CFAP99: variants seen among roughly 807,000 people sequenced by gnomAD.
The protein encoded by CFAP99 is cilia and flagella associated protein 99.
In CFAP99, 84 loss-of-function variants were observed where a neutral mutation model predicts 82.7. That is an observed-to-expected ratio of 1.02 (90% confidence interval 0.85 to 1.22). The LOEUF is 1.22. CFAP99 is among the 50% of genes most tolerant of loss of function. The pLI is 0.00. For missense variants in CFAP99, 1,059 were observed against 983.5 expected, an observed-to-expected ratio of 1.08 and a Z score of -1.03; for synonymous variants, 456 against 429.5, an observed-to-expected ratio of 1.06 and a Z score of -0.76.
intron 11 of CFAP99, among the ~76,000 whole-genome samples, chr4:2,454,381 C>T (rs1734373005): frequency 6.6e-6 from 1 of 151,946 alleles, no homozygotes; most frequent in Non-Finnish European, 1.5e-5. Context: ...AAGTGATCCA[C>T]CTGTCTCAGC....
rs1203763 is a variant in CFAP99 at position 2,436,765 on chromosome 4, T to G, written c.112-109T>G. ...TTGGGGGCCCCACTAACAGGCCCTT[T>G]GCAGCCCCGGGGCCGCTCCACCCCT... On this transcript the variant is annotated intron_variant, in intron 2 of 14. Transcript: ENST00000635017. 4.6e-6 allele frequency: 4 copies of G among 867,922 alleles called. No individual in the cohort carries two copies. In the Admixed American group the frequency reaches 7.2e-5, roughly 16 times the overall value. 53.8% of individuals were successfully genotyped at this position (867,922 alleles called of 1,614,324 possible).
intron 1 of CFAP99, among the ~76,000 whole-genome samples, chr4:2,422,433 G>A (rs76516505): frequency 0.015 from 2,271 of 152,226 alleles, 50 homozygotes; most frequent in African/African-American, 0.049. Context: ...TACCAGGTCC[G>A]CCCTGGATTG....
intron 11 of CFAP99, 132 bp from the exon 12 acceptor site, chr4:2,458,591 G>C (rs963026403): frequency 8.5e-7 from 1 of 1,180,046 alleles, no homozygotes; most frequent in Non-Finnish European, 1.1e-6. Context: ...GCTTAGACCT[G>C]GGTTCTGGGG....
chr4:2,456,582 C>T (rs1034380190), intron 11 of CFAP99, among the ~76,000 whole-genome samples: 10 of 152,134 alleles, frequency 6.6e-5, no homozygotes, highest in Non-Finnish European at 1.5e-4. Flanking sequence ...TGCAATGGTG[C>T]GATCTCGGCT....
At position 2,448,975 on chromosome 4, in the gene CFAP99, C is replaced by T. The variant is rs1386360014; in HGVS notation, c.643-695C>T. Among the ~76,000 whole-genome samples, 1 of 152,088 alleles carries T rather than the reference C, an allele frequency of 6.6e-6. No homozygotes were observed. The highest frequency in any genetic ancestry group is 1.9e-4 in the East Asian group (1 of 5,200). Reference sequence around the variant, plus strand: ...TGAGGCATGGGTGAGGAATGGACAGCGGTCGTGGTCAGTGAGGCTGAGGGA... The same window carrying T: ...TGAGGCATGGGTGAGGAATGGACAGTGGTCGTGGTCAGTGAGGCTGAGGGA... On this transcript the variant is annotated intron_variant, in intron 6 of 14. Coordinates refer to ENST00000635017, the Ensembl canonical transcript of CFAP99. This position sits in a 1 kb window ranked among gnomAD's most constrained non-coding sequence, Gnocchi z 5.2.
intron 4 of CFAP99, among the ~76,000 whole-genome samples, chr4:2,442,496 G>A (rs1734066240): frequency 6.6e-6 from 1 of 152,070 alleles, no homozygotes; most frequent in African/African-American, 2.4e-5. Context: ...TGCAGGCCCT[G>A]CCTGGCCGGC....
chr4:2,459,908 T>G (rs1252099125), intron 13 of CFAP99, 129 bp from the exon 14 acceptor site: 25 of 789,826 alleles, frequency 3.2e-5, no homozygotes, highest in Non-Finnish European at 5.0e-5. Context: ...GGGGCATGTT[T>G]CATAAGCAGT....
exon 14 of CFAP99, chr4:2,460,153 G>C (rs1360752639): frequency 6.5e-7 from 1 of 1,536,022 alleles, no homozygotes; most frequent in Non-Finnish European, 8.7e-7. Flanking sequence ...AAATCATTCA[G>C]GGCAAGCACA....
chr4:2,444,164 G>A (rs1197926970), intron 5 of CFAP99, among the ~76,000 whole-genome samples: 1 of 152,134 alleles, frequency 6.6e-6, no homozygotes, highest in Non-Finnish European at 1.5e-5. Flanking sequence ...ACCTCCAAAG[G>A]AAGGAGTAGG....
chr4:2,451,736 CTGTGGGGG>C (rs1734308041), intron 10 of CFAP99, among the ~76,000 whole-genome samples: 1 of 8,960 alleles, frequency 1.1e-4, no homozygotes, highest in African/African-American at 3.2e-4. Flanking sequence ...GCAAGTCAGG[CTGTGGGGG>C]GAGCATGGGT....
Position 2,462,491 on chromosome 4 carries a change from G to T in CFAP99, c.1710G>T (p.Gln570His). ...CGGCGGCCCCGGCGGCGCCCTCGCA[G>T]GACGAGCGCGTGCAGCAGCTGCGGC... Residue 570 changes from glutamine to histidine, a missense_variant, in exon 15 of 15, where the codon CAG becomes CAT. Coordinates refer to ENST00000635017, the Ensembl canonical transcript of CFAP99. The surrounding 1 kb of genome is among the most constrained non-coding windows in gnomAD (Gnocchi z 4.1). The T allele has an allele frequency of 6.8e-7, 1 of 1,477,356 alleles. No homozygotes were observed. Among genetic ancestry groups the T allele is most frequent in the Non-Finnish European group, 8.9e-7 (1 of 1,123,190 alleles). 91.5% of individuals were successfully genotyped at this position (1,477,356 alleles called of 1,614,324 possible).
chr4:2,458,912 CG>C, intron 12 of CFAP99, 48 bp downstream of exon 12: 1 of 1,506,086 alleles, frequency 6.6e-7, no homozygotes, highest in Admixed American at 2.1e-5. Flanking sequence ...CTTCCCCACT[CG>C]GGTGCTGGGC....
chr4:2,438,618 T>C (rs1207602842), intron 4 of CFAP99, among the ~76,000 whole-genome samples: 4 of 152,068 alleles, frequency 2.6e-5, no homozygotes, highest in Non-Finnish European at 5.9e-5. Flanking sequence ...TTCAAAGAAG[T>C]AGCAAGCTGG....
At chr4:2,441,016 C>A (rs1002513608) in intron 4 of CFAP99, among the ~76,000 whole-genome samples, 1 of 151,562 alleles carries the variant, frequency 6.6e-6, no homozygotes, top group African/African-American at 2.4e-5. Context: ...CATGATTGTG[C>A]CACTGCACTC....
chr4:2,424,474 C>G (rs2108707970), intron 1 of CFAP99, among the ~76,000 whole-genome samples: 1 of 152,218 alleles, frequency 6.6e-6, no homozygotes, highest in African/African-American at 2.4e-5. Context: ...AAAAAAAGAA[C>G]AGCCCATGTC....
chr4:2,453,468 C>G (rs940816754), intron 11 of CFAP99, among the ~76,000 whole-genome samples: 2 of 152,182 alleles, frequency 1.3e-5, no homozygotes, highest in Non-Finnish European at 2.9e-5. Flanking sequence ...CTCCCTGGTA[C>G]TTTTACCATC....
chr4:2,457,659 G>A (rs1242272109), intron 11 of CFAP99, among the ~76,000 whole-genome samples: 1 of 152,198 alleles, frequency 6.6e-6, no homozygotes, highest in Non-Finnish European at 1.5e-5. Context: ...TCCTTACTGT[G>A]AGCCTGGCCA....
chr4:2,431,534 G>A (rs1431530459), intron 2 of CFAP99, among the ~76,000 whole-genome samples: 2 of 152,092 alleles, frequency 1.3e-5, no homozygotes, highest in African/African-American at 4.8e-5. Flanking sequence ...GTGCACCCAA[G>A]GTCAAGTCCA....
At chr4:2,428,897 C>G (rs971481746) in intron 2 of CFAP99, 1 of 152,338 alleles carries the variant, frequency 6.6e-6, no homozygotes, top group South Asian at 2.1e-4. Context: ...CCGTGTGACA[C>G]GTCAGTAGAT....
Sources: allele counts gnomAD v4.1 joint callset (sites outside exome capture counted in the v4.1 genomes callset), GRCh38; gene constraint gnomAD v4.1.1; non-coding constraint Gnocchi (gnomAD v3.1); transcripts MANE v1.5; gene names NCBI Gene and HGNC (gene_info 2026-07-23, HGNC 2026-07-21).